PLCE1: variants seen among roughly 807,000 people sequenced by gnomAD.
The protein encoded by PLCE1 is 1-phosphatidylinositol 4,5-bisphosphate phosphodiesterase epsilon-1.
PLCE1 carries 119 observed loss-of-function variants against 242.8 expected under a neutral mutation model. The ratio of observed to expected loss-of-function variants is 0.49; its 90% CI spans 0.42 to 0.57. The LOEUF is 0.57. Among genes scored for constraint, PLCE1 ranks in the 20% least tolerant of loss-of-function variants. PLCE1 has a pLI of 0.00. For missense variants in PLCE1, 2,441 were observed against 2,788.8 expected (o/e 0.88, Z 2.81); for synonymous variants, 945 against 1,017.4 (o/e 0.93, Z 1.35).
intron 10 of PLCE1, 77 bp from the exon 11 acceptor site, chr10:94,254,816 C>T: frequency 5.3e-6 from 8 of 1,499,468 alleles, no homozygotes; most frequent in Middle Eastern, 1.8e-4. Flanking sequence ...CATCCAGAAG[C>T]CTCTCTGGTT....
At position 94,110,058 on chromosome 10, in the gene PLCE1, CTT is replaced by C. The variant is rs33974566; in HGVS notation, c.1207-22095_1207-22094del. On this transcript the variant is annotated intron_variant, in intron 2 of 32. Transcript: ENST00000371380. ...AGACCCTTTCCTTTTTTTCTTTTTT[CTT>C]TTTTTTTTTTTTTTTTTTTTGAGAT... Among the ~76,000 whole-genome samples, 78 of 75,888 alleles carry C rather than the reference CTT, an allele frequency of 1.0e-3. 1 individual carries two copies. The highest frequency in any genetic ancestry group is 6.8e-3 in the South Asian group (11 of 1,618). The allele number at this position is 75,888 out of a possible 152,430, so 49.8% of individuals were successfully genotyped here.
intron 2 of PLCE1, among the ~76,000 whole-genome samples, chr10:94,041,722 G>A (rs994107304): frequency 3.3e-5 from 5 of 152,112 alleles, no homozygotes; most frequent in African/African-American, 9.7e-5. Context: ...GTGGGGGTTC[G>A]GGGATGGACA....
chr10:93,999,826 G>A (rs1174647688), intron 1 of PLCE1, among the ~76,000 whole-genome samples: 1 of 152,198 alleles, frequency 6.6e-6, no homozygotes, highest in East Asian at 1.9e-4. Context: ...CCACCTCTGG[G>A]CCCTCCAGTG....
At chr10:94,067,828 A>G (rs1369575694) in intron 2 of PLCE1, among the ~76,000 whole-genome samples, 2 of 152,150 alleles carry the variant, frequency 1.3e-5, no homozygotes, top group African/African-American at 4.8e-5. Flanking sequence ...TTGGATGAGG[A>G]TAAGGGAGAC....
chr10:94,240,104 T>A (rs2137403655), intron 7 of PLCE1, among the ~76,000 whole-genome samples: 1 of 152,314 alleles, frequency 6.6e-6, no homozygotes, highest in South Asian at 2.1e-4. Context: ...CTGCACAACA[T>A]TCACCTTAGG....
intron 4 of PLCE1, among the ~76,000 whole-genome samples, chr10:94,193,014 T>G (rs2048716527): frequency 6.6e-6 from 1 of 152,236 alleles, no homozygotes; most frequent in African/African-American, 2.4e-5. Context: ...TGCTCATTTA[T>G]GTGTTGGCTA....
At chr10:94,324,715 C>A in intron 31 of PLCE1, 148 bp downstream of exon 31, 1 of 989,506 alleles carries the variant, frequency 1.0e-6, no homozygotes, top group Non-Finnish European at 1.6e-6. Flanking sequence ...TTTGTTTTCA[C>A]TGTGTGAAAA....
intron 2 of PLCE1, among the ~76,000 whole-genome samples, chr10:94,117,265 C>T (rs984164115): frequency 6.6e-6 from 1 of 152,130 alleles, no homozygotes; most frequent in African/African-American, 2.4e-5. Context: ...GTGACAGAAC[C>T]CTCCAGCTGA....
chr10:94,009,351 C>T (rs1342670867), intron 1 of PLCE1, among the ~76,000 whole-genome samples: 1 of 152,144 alleles, frequency 6.6e-6, no homozygotes, highest in Non-Finnish European at 1.5e-5. Flanking sequence ...ATGAGGGATC[C>T]ATCCCCATGA....
intron 2 of PLCE1, among the ~76,000 whole-genome samples, chr10:94,035,409 C>A (rs2061644251): frequency 6.6e-6 from 1 of 152,118 alleles, no homozygotes; most frequent in African/African-American, 2.4e-5. Flanking sequence ...CTCAAACCTG[C>A]CCTTGTTCAT....
intron 3 of PLCE1, among the ~76,000 whole-genome samples, chr10:94,140,883 T>C (rs2046934171): frequency 1.3e-5 from 2 of 152,244 alleles, no homozygotes; most frequent in South Asian, 4.1e-4. Context: ...TTTAATGTAA[T>C]ATTGGGTGTG....
At chr10:94,315,719 G>A (rs575468176) in intron 28 of PLCE1, among the ~76,000 whole-genome samples, 3 of 146,884 alleles carry the variant, frequency 2.0e-5, no homozygotes, top group African/African-American at 7.5e-5. Flanking sequence ...GCAGTGAGCC[G>A]AGATCACGCC....
chr10:94,007,016 T>C (rs559870016), intron 1 of PLCE1, among the ~76,000 whole-genome samples: 4 of 152,308 alleles, frequency 2.6e-5, no homozygotes, highest in African/African-American at 9.6e-5. Context: ...AGAAAACTTA[T>C]TAGAATGTGA....
At chr10:94,220,759 T>C (rs1436972931) in intron 4 of PLCE1, among the ~76,000 whole-genome samples, 2 of 152,134 alleles carry the variant, frequency 1.3e-5, no homozygotes, top group Non-Finnish European at 2.9e-5. Flanking sequence ...ACTCTCCAAC[T>C]TCACCCTCAC....
chr10:94,240,071 AAC>A (rs1336500980), intron 7 of PLCE1, among the ~76,000 whole-genome samples: 2 of 152,148 alleles, frequency 1.3e-5, no homozygotes, highest in Admixed American at 1.3e-4. Context: ...CATGATTTGT[AAC>A]AGAGACCATT....
chr10:94,267,875 A>G (rs1419486917), intron 16 of PLCE1, among the ~76,000 whole-genome samples: 1 of 152,228 alleles, frequency 6.6e-6, no homozygotes, highest in Non-Finnish European at 1.5e-5. Context: ...TATCCCATAT[A>G]AAAGTGTTAA....
intron 2 of PLCE1, among the ~76,000 whole-genome samples, chr10:94,085,322 A>G (rs759258523): frequency 2.6e-5 from 4 of 152,144 alleles, no homozygotes; most frequent in Non-Finnish European, 5.9e-5. Context: ...AAGTCAAACA[A>G]CCAAGAAAAA....
chr10:94,272,493 CAT>C (rs577879056), intron 18 of PLCE1, among the ~76,000 whole-genome samples: 31 of 152,212 alleles, frequency 2.0e-4, no homozygotes, highest in South Asian at 6.2e-4. Context: ...TCCAAACACA[CAT>C]GTTTTACAAT....
At chr10:94,242,430 C>T (rs1280831983) in intron 7 of PLCE1, among the ~76,000 whole-genome samples, 3 of 152,112 alleles carry the variant, frequency 2.0e-5, no homozygotes, top group Non-Finnish European at 4.4e-5. Context: ...TGTGACTCAG[C>T]GTCCCAGGTA....
Sources: allele counts gnomAD v4.1 joint callset (sites outside exome capture counted in the v4.1 genomes callset), GRCh38; gene constraint gnomAD v4.1.1; transcripts MANE v1.5; gene names NCBI Gene and HGNC (gene_info 2026-07-23, HGNC 2026-07-21).